VSTM5: variants seen among roughly 807,000 people sequenced by gnomAD.
VSTM5 encodes V-set and transmembrane domain-containing protein 5.
In VSTM5, 21 loss-of-function variants were observed where a neutral mutation model predicts 20.3. That is an observed-to-expected ratio of 1.03 (90% CI 0.73 to 1.49). VSTM5 has a LOEUF of 1.49. Ranked by LOEUF, VSTM5 falls within the 40% of genes most tolerant of loss-of-function variation. VSTM5 has a pLI of 0.00. For missense variants in VSTM5, 219 were observed against 250.0 expected (o/e 0.88, Z 0.84); for synonymous variants, 100 against 102.5 (o/e 0.98, Z 0.14).
intron 1 of VSTM5, 81 bp downstream of exon 1, chr11:93,850,331 G>A (rs931619835): frequency 2.5e-5 from 32 of 1,278,548 alleles, no homozygotes; most frequent in African/African-American, 4.7e-5. Flanking sequence ...CAGGGGGGCC[G>A]CTGCTAGACC....
intron 1 of VSTM5, among the ~76,000 whole-genome samples, chr11:93,827,467 T>G (rs1200605213): frequency 6.6e-6 from 1 of 152,218 alleles, no homozygotes; most frequent in African/African-American, 2.4e-5. Flanking sequence ...TTTAAAAAGT[T>G]GAATTAATGA....
At chr11:93,835,300 G>A (rs1944314733) in intron 1 of VSTM5, among the ~76,000 whole-genome samples, 1 of 152,062 alleles carries the variant, frequency 6.6e-6, no homozygotes, top group African/African-American at 2.4e-5. Flanking sequence ...GTGTACACCT[G>A]TAGTTGCAGC....
chr11:93,835,282 G>T (rs115792350), intron 1 of VSTM5, among the ~76,000 whole-genome samples: 3,282 of 152,132 alleles, frequency 0.022, 112 homozygotes, highest in African/African-American at 0.076. Flanking sequence ...AATTAGCCAG[G>T]TGTGGTGGTG....
intron 1 of VSTM5, among the ~76,000 whole-genome samples, chr11:93,830,352 C>CCACT (rs1944271806): frequency 6.6e-6 from 1 of 152,188 alleles, no homozygotes; most frequent in Non-Finnish European, 1.5e-5. Context: ...CAGCCGGGAA[C>CCACT]AGCTAGTGGT....
intron 1 of VSTM5, among the ~76,000 whole-genome samples, chr11:93,835,851 C>T (rs1489811350): frequency 1.3e-5 from 2 of 152,124 alleles, no homozygotes; most frequent in African/African-American, 2.4e-5. Context: ...AGGAGGAACT[C>T]GGTGGCTGGA....
intron 1 of VSTM5, among the ~76,000 whole-genome samples, chr11:93,838,143 T>C (rs1944338826): frequency 6.6e-6 from 1 of 152,128 alleles, no homozygotes; most frequent in Non-Finnish European, 1.5e-5. Context: ...CCCCTTCCCC[T>C]TTCCGAGCCA....
intron 1 of VSTM5, 52 bp from the exon 2 acceptor site, chr11:93,821,375 A>G: frequency 7.0e-7 from 1 of 1,425,326 alleles, no homozygotes; most frequent in Non-Finnish European, 9.5e-7. Context: ...TTTATACTGA[A>G]GTGAACTTAT....
chr11:93,846,780 T>TG (rs1565305351), intron 1 of VSTM5, among the ~76,000 whole-genome samples: 3,172 of 104,130 alleles, frequency 0.03, 113 homozygotes, highest in African/African-American at 0.11. Flanking sequence ...TTTTTTTTTT[T>TG]TTTTTGAGAT....
At chr11:93,832,808 A>G (rs1944293351) in intron 1 of VSTM5, among the ~76,000 whole-genome samples, 1 of 152,216 alleles carries the variant, frequency 6.6e-6, no homozygotes, top group Non-Finnish European at 1.5e-5. Context: ...GTCTTTGCTA[A>G]GTAAAAATTC....
intron 1 of VSTM5, among the ~76,000 whole-genome samples, chr11:93,828,944 C>T (rs1467877626): frequency 6.6e-6 from 1 of 152,158 alleles, no homozygotes; most frequent in Non-Finnish European, 1.5e-5. Context: ...CCAGGCTCTA[C>T]CCTGAGACCT....
At chr11:93,839,341 CAT>C (rs1944351489) in intron 1 of VSTM5, among the ~76,000 whole-genome samples, 1 of 152,212 alleles carries the variant, frequency 6.6e-6, no homozygotes, top group Admixed American at 6.5e-5. Context: ...GCCGTGGACA[CAT>C]ATGGCTTCTG....
intron 1 of VSTM5, among the ~76,000 whole-genome samples, 174 bp downstream of exon 1, chr11:93,850,238 T>G (rs71460609): frequency 0.14 from 21,079 of 151,862 alleles, 1,589 homozygotes; most frequent in African/African-American, 0.18. Flanking sequence ...TCTCCAGGCC[T>G]CGCCCAGCCC....
rs550830371 is a variant in VSTM5 at position 93,835,985 on chromosome 11, T to A, written c.91+14427A>T. Among the ~76,000 whole-genome samples, 4 of 152,296 alleles carry A rather than the reference T, an allele frequency of 2.6e-5. No homozygotes were observed. In the East Asian group the frequency reaches 7.7e-4, roughly 29 times the overall value. ...TAATTTTAAAATAAAACAATAAATG[T>A]ATAATCCCATCTCCCAGATTTGGTC... On this transcript the variant is annotated intron_variant, in intron 1 of 3. Transcript: ENST00000409977.
intron 1 of VSTM5, among the ~76,000 whole-genome samples, chr11:93,833,897 CT>C (rs1944302494): frequency 1.3e-5 from 2 of 152,176 alleles, no homozygotes; most frequent in African/African-American, 4.8e-5. Flanking sequence ...ACCTTCTCTC[CT>C]TGTTTACTGT....
chr11:93,826,920 A>G lies in VSTM5; in HGVS notation c.92-5597T>C, dbSNP rs900381532. 4.6e-5 allele frequency among the ~76,000 whole-genome samples: 7 copies of G among 152,040 alleles called. 1 individual carries two copies. The East Asian group carries it at 1.2e-3, about 25-fold the overall frequency. On this transcript the variant is annotated intron_variant, in intron 1 of 3. Transcript: ENST00000409977. ...ACTCCTACTGTTGATTTCTAGTTTC[A>G]TATTACTGTGGTCAGGAAAGACATT...
intron 1 of VSTM5, among the ~76,000 whole-genome samples, chr11:93,848,006 C>T (rs1266880316): frequency 6.6e-6 from 1 of 152,190 alleles, no homozygotes. Context: ...TATGGGATCC[C>T]ACCTCAAGAC....
At chr11:93,823,422 T>C (rs1048637655) in intron 1 of VSTM5, among the ~76,000 whole-genome samples, 38 of 152,184 alleles carry the variant, frequency 2.5e-4, no homozygotes, top group Non-Finnish European at 8.8e-5. Context: ...TGCGTAATGA[T>C]GATCACGATT....
chr11:93,840,790 G>A (rs528267496), intron 1 of VSTM5, among the ~76,000 whole-genome samples: 4 of 152,210 alleles, frequency 2.6e-5, no homozygotes, highest in Admixed American at 1.3e-4. Context: ...GTAGGGTGAG[G>A]TGAGTCCTAA....
At chr11:93,832,254 GT>G (rs1944288980) in intron 1 of VSTM5, among the ~76,000 whole-genome samples, 1 of 152,204 alleles carries the variant, frequency 6.6e-6, no homozygotes, top group South Asian at 2.1e-4. Flanking sequence ...ATCTATATGT[GT>G]TGACATTAGA....
Sources: allele counts gnomAD v4.1 joint callset (sites outside exome capture counted in the v4.1 genomes callset), GRCh38; gene constraint gnomAD v4.1.1; transcripts MANE v1.5; gene names NCBI Gene and HGNC (gene_info 2026-07-23, HGNC 2026-07-21).